EYA2: variants seen among roughly 807,000 people sequenced by gnomAD.
The protein encoded by EYA2 is EYA transcriptional coactivator and phosphatase 2.
Under a neutral mutation model 69.2 loss-of-function variants are expected in EYA2, and 31 were observed. The ratio of observed to expected loss-of-function variants is 0.45; its 90% CI spans 0.34 to 0.60. The LOEUF (loss-of-function observed/expected upper bound fraction) is 0.60, where lower values mean the gene tolerates loss of function less well. Among genes scored for constraint, EYA2 ranks in the 20% least tolerant of loss-of-function variants. EYA2 has a pLI of 0.02. For synonymous variants in EYA2, 257 were observed against 279.4 expected, an observed-to-expected ratio of 0.92 and a Z score of 0.80; for missense variants, 622 against 701.2, an observed-to-expected ratio of 0.89 and a Z score of 1.28.
chr20:47,104,130 C>T (rs115642293), intron 9 of EYA2, among the ~76,000 whole-genome samples: 2,579 of 152,200 alleles, frequency 0.017, 65 homozygotes, highest in African/African-American at 0.058. Context: ...GGCTATAGTC[C>T]TAGTAAGTAT....
intron 1 of EYA2, among the ~76,000 whole-genome samples, chr20:46,985,495 A>C (rs1181334176): frequency 6.6e-6 from 1 of 152,230 alleles, no homozygotes; most frequent in Non-Finnish European, 1.5e-5. Flanking sequence ...AGCAACACTC[A>C]GTAAAGTAAA....
chr20:47,090,738 A>G (rs2032059078), intron 8 of EYA2, among the ~76,000 whole-genome samples: 1 of 152,166 alleles, frequency 6.6e-6, no homozygotes, highest in South Asian at 2.1e-4. Context: ...GTTAACTCTA[A>G]TTCTTGTGTT....
rs549044139 is a variant in EYA2 at position 47,117,588 on chromosome 20, CAGTTGGCGAT to C, written c.888+20423_888+20432del. The C allele has an allele frequency of 8.1e-3, 7,971 of 985,338 alleles. 36 individuals are homozygous for C. The highest frequency in any genetic ancestry group is 0.01 in the Middle Eastern group (20 of 1,914). The allele number at this position is 985,338 out of a possible 1,614,324, so 61.0% of individuals were successfully genotyped here. On this transcript the variant is annotated intron_variant, in intron 9 of 15. Transcript: ENST00000327619. ...AGGACTGTAGGGATTCAATCAGATC[CAGTTGGCGAT>C]AGGCGGCTTGGCCTGTCTGTTACTG...
At chr20:47,118,076 C>G (rs1372592244) in intron 9 of EYA2, among the ~76,000 whole-genome samples, 2 of 152,232 alleles carry the variant, frequency 1.3e-5, no homozygotes, top group Non-Finnish European at 2.9e-5. Flanking sequence ...AAACAGAGTC[C>G]TTGGAACTCT....
At chr20:47,045,733 T>A (rs1377257918) in intron 5 of EYA2, among the ~76,000 whole-genome samples, 1 of 152,220 alleles carries the variant, frequency 6.6e-6, no homozygotes, top group African/African-American at 2.4e-5. Context: ...GGGGCCTGTT[T>A]TTGAGAATTT....
chr20:47,125,793 A>C (rs1038788172), intron 9 of EYA2, among the ~76,000 whole-genome samples: 14 of 152,204 alleles, frequency 9.2e-5, no homozygotes, highest in African/African-American at 3.1e-4. Context: ...TATTTGTTCA[A>C]CTTGTAAACA....
chr20:47,027,220 C>T (rs1165010997), intron 5 of EYA2, among the ~76,000 whole-genome samples: 2 of 152,238 alleles, frequency 1.3e-5, no homozygotes, highest in Non-Finnish European at 2.9e-5. Context: ...GGAGTCATTT[C>T]CCTATTTCTC....
chr20:47,125,335 G>T, intron 9 of EYA2, among the ~76,000 whole-genome samples: 1 of 152,092 alleles, frequency 6.6e-6, no homozygotes, highest in East Asian at 1.9e-4. Flanking sequence ...GATTACAGGT[G>T]TGAGCCACCT....
intron 1 of EYA2, among the ~76,000 whole-genome samples, chr20:46,934,070 T>C (rs1379973661): frequency 6.6e-6 from 1 of 152,196 alleles, no homozygotes; most frequent in Non-Finnish European, 1.5e-5. Context: ...ATTAGCAAAG[T>C]GTTCTGAGAT....
intron 1 of EYA2, among the ~76,000 whole-genome samples, chr20:46,908,323 A>G (rs141576343): frequency 1.3e-5 from 2 of 152,340 alleles, no homozygotes; most frequent in East Asian, 3.9e-4. Context: ...TGACGAGAAC[A>G]TGCCCAGGGG....
intron 9 of EYA2, among the ~76,000 whole-genome samples, chr20:47,125,453 T>A (rs1027138930): frequency 5.9e-5 from 9 of 152,196 alleles, no homozygotes; most frequent in Non-Finnish European, 1.3e-4. Context: ...TTAACTTTAC[T>A]GTTTAAACAT....
chr20:47,124,245 C>G (rs908945795), intron 9 of EYA2, among the ~76,000 whole-genome samples: 1 of 152,156 alleles, frequency 6.6e-6, no homozygotes, highest in Admixed American at 6.5e-5. Flanking sequence ...GGGTTACACC[C>G]TTATCTGGTT....
chr20:47,009,970 A>G (rs1315233300), intron 4 of EYA2, among the ~76,000 whole-genome samples: 1 of 152,252 alleles, frequency 6.6e-6, no homozygotes. Context: ...TCATACAAGT[A>G]GCTGTAGTTC....
intron 1 of EYA2, among the ~76,000 whole-genome samples, chr20:46,939,549 T>A (rs905513125): frequency 6.6e-6 from 1 of 152,198 alleles, no homozygotes; most frequent in Admixed American, 6.5e-5. Context: ...TTTAAGCCAA[T>A]TTGAGCTAAA....
intron 10 of EYA2, among the ~76,000 whole-genome samples, chr20:47,144,781 A>G (rs6094607): frequency 0.15 from 23,190 of 152,234 alleles, 1,785 homozygotes; most frequent in Middle Eastern, 0.18. Flanking sequence ...TGGAGAATAA[A>G]TACCATTGGC....
At chr20:47,081,832 T>C (rs1349826002) in intron 7 of EYA2, among the ~76,000 whole-genome samples, 1 of 147,794 alleles carries the variant, frequency 6.8e-6, no homozygotes, top group Non-Finnish European at 1.5e-5. Flanking sequence ...AAAGAAAAAA[T>C]GTGCATTGCC....
intron 5 of EYA2, among the ~76,000 whole-genome samples, chr20:47,046,437 G>A (rs1442827556): frequency 2.0e-5 from 3 of 152,200 alleles, no homozygotes; most frequent in African/African-American, 4.8e-5. Context: ...CCAGCATGTA[G>A]ATACACCGAA....
intron 1 of EYA2, among the ~76,000 whole-genome samples, chr20:46,936,782 C>T (rs1005489273): frequency 3.3e-5 from 5 of 152,276 alleles, no homozygotes; most frequent in African/African-American, 7.2e-5. Flanking sequence ...CGCTTTCCCT[C>T]GACGGTTCTG....
At chr20:46,908,870 C>CT (rs56834738) in intron 1 of EYA2, among the ~76,000 whole-genome samples, 924 of 47,562 alleles carry the variant, frequency 0.019, 233 homozygotes, top group Non-Finnish European at 0.021. Context: ...CTCTCCCGCA[C>CT]TTTTTTTTTT....
Sources: allele counts gnomAD v4.1 joint callset (sites outside exome capture counted in the v4.1 genomes callset), GRCh38; gene constraint gnomAD v4.1.1; transcripts MANE v1.5; gene names NCBI Gene and HGNC (gene_info 2026-07-23, HGNC 2026-07-21).